The following DGKE variants were observed in gnomAD, a reference collection of about 807,000 sequenced individuals.
DGKE encodes DAG kinase epsilon.
Under a neutral mutation model 70.0 loss-of-function variants are expected in DGKE, and 53 were observed. The ratio of observed to expected loss-of-function variants is 0.76; its 90% CI spans 0.61 to 0.95. The LOEUF is 0.95. Among genes scored for constraint, DGKE ranks in the 40% least tolerant of loss-of-function variants. The pLI is 0.00. For missense variants in DGKE, 655 were observed against 706.9 expected (o/e 0.93, Z 0.83); for synonymous variants, 291 against 257.0 (o/e 1.13, Z -1.27).
intron 7 of DGKE, 34 bp from the exon 8 acceptor site, chr17:56,856,478 A>G (rs761996462): frequency 2.5e-6 from 4 of 1,593,852 alleles, no homozygotes; most frequent in East Asian, 4.5e-5. Flanking sequence ...AGGTGGAACC[A>G]TAGTCTGTTG....
In DGKE at chr17:56,863,021, A is replaced by G; in HGVS notation, c.*230A>G. 1 of 372,278 alleles carries G rather than the reference A, an allele frequency of 2.7e-6. No homozygotes were observed. The allele number at this position is 372,278 out of a possible 1,614,324, so 23.1% of individuals were successfully genotyped here. A position where few individuals can be genotyped will look rare whatever the true frequency, so the allele number is the denominator to read the frequency against. Reference sequence around the variant, plus strand: ...TTCAAATGAATAGTATTAACTTACAAAAAGTCACAAAAACTTACATGAGAG... The same window carrying G: ...TTCAAATGAATAGTATTAACTTACAGAAAGTCACAAAAACTTACATGAGAG... On this transcript the variant is annotated 3_prime_UTR_variant, in exon 12 of 12. Transcript: ENST00000284061.
chr17:56,844,204 T>C, intron 3 of DGKE, 26 bp downstream of exon 3: 2 of 1,409,570 alleles, frequency 1.4e-6, no homozygotes, highest in African/African-American at 1.5e-5. Context: ...TTCTCTAATA[T>C]GATTGATTTT....
chr17:56,855,785 C>G (rs1396089080), intron 7 of DGKE, among the ~76,000 whole-genome samples: 2 of 152,036 alleles, frequency 1.3e-5, no homozygotes, highest in Non-Finnish European at 2.9e-5. Flanking sequence ...GCAGGCGAAT[C>G]ACGAGGTCAG....
intron 7 of DGKE, among the ~76,000 whole-genome samples, chr17:56,855,661 C>G (rs1415623325): frequency 6.6e-6 from 1 of 152,086 alleles, no homozygotes; most frequent in Non-Finnish European, 1.5e-5. Flanking sequence ...CCAGCAGTGT[C>G]CAGCAACCTG....
chr17:56,862,147 G>T lies in DGKE; in HGVS notation c.1420G>T (p.Asp474Tyr). The T allele has an allele frequency of 6.2e-7, 1 of 1,613,924 alleles. No homozygotes were observed. Among genetic ancestry groups the T allele is most frequent in the Non-Finnish European group, 8.5e-7 (1 of 1,179,932 alleles). ...DETYPLARHD[D>Y]GLLEVVGVYG... The stretch of plus-strand genomic sequence containing the variant: ...TTCTTTTTCCAATTTTAGGCATGAC[G>T]ATGGTCTGCTGGAAGTCGTTGGAGT... The change falls in exon 11 of 12, where the codon GAT becomes TAT. Residue 474 changes from aspartate to tyrosine, a missense_variant. Physicochemically the swap from Asp to Tyr is radical, Grantham distance 160. Transcript: ENST00000284061.
At position 56,848,119 on chromosome 17, in the gene DGKE, C is replaced by CAT. The variant is rs56356802; in HGVS notation, c.888+69_888+70dup. 0.27 allele frequency: 187,540 copies of CAT among 691,468 alleles called. 11,670 individuals carry two copies. Among genetic ancestry groups the CAT allele is most frequent in the Non-Finnish European group, 0.3 (155,439 of 520,348 alleles). The allele number at this position is 691,468 out of a possible 1,614,324, so 42.8% of individuals were successfully genotyped here. A position where few individuals can be genotyped will look rare whatever the true frequency, so the allele number is the denominator to read the frequency against. On this transcript the variant is annotated intron_variant, in intron 5 of 11. Coordinates refer to ENST00000284061, the MANE Select transcript of DGKE (RefSeq NM_003647.3). ...GGACTTCTAAGATAAATATACTATA[C>CAT]ATATATATATATATATGGGTTTTGT...
intron 7 of DGKE, among the ~76,000 whole-genome samples, chr17:56,851,255 C>T (rs932807071): frequency 1.3e-5 from 2 of 152,110 alleles, no homozygotes; most frequent in Non-Finnish European, 2.9e-5. Context: ...TAGATCACTT[C>T]CCCTTTCCCC....
chr17:56,851,029 G>A (rs1340917104), intron 7 of DGKE, among the ~76,000 whole-genome samples: 3 of 152,184 alleles, frequency 2.0e-5, no homozygotes, highest in African/African-American at 4.8e-5. Context: ...GCAAAGCATG[G>A]TTAGCAAGTA....
In DGKE at chr17:56,834,158, T is replaced by A. The variant is rs928475010; in HGVS notation, c.-121T>A. The A allele has an allele frequency of 5.3e-5, 8 of 152,244 alleles. No individual in the cohort carries two copies. The highest frequency in any genetic ancestry group is 1.7e-4 in the African/African-American group (7 of 41,422). The allele number at this position is 152,244 out of a possible 1,614,324, so 9.4% of individuals were successfully genotyped here. On this transcript the variant is annotated 5_prime_UTR_variant, in exon 1 of 12. Transcript: ENST00000284061. ...GCGTGCGGCTGGAGCCTTAAGCGTTTCCCCCGCCCGGCTTCATCCCTGCTG... is the reference window on the plus strand; with the variant it reads ...GCGTGCGGCTGGAGCCTTAAGCGTTACCCCCGCCCGGCTTCATCCCTGCTG...
rs774071906 is a variant in DGKE at position 56,849,132 on chromosome 17, A to G, written c.1047-49A>G. 3.2e-6 allele frequency: 5 copies of G among 1,539,562 alleles called. No individual in the cohort carries two copies. In the South Asian group the frequency reaches 4.7e-5, roughly 14 times the overall value. On this transcript the variant is annotated intron_variant, in intron 6 of 11. Transcript: ENST00000284061. The stretch of plus-strand genomic sequence containing the variant: ...CCTCATTTATCCAAACATCCAGAGT[A>G]TGGGGTTTATTGTAAAACGTGCTGT...
At chr17:56,841,464 GA>G (rs1481119603) in intron 2 of DGKE, among the ~76,000 whole-genome samples, 2 of 152,070 alleles carry the variant, frequency 1.3e-5, no homozygotes, top group East Asian at 3.8e-4. Flanking sequence ...AGTGAAAGAT[GA>G]ATATGGAACA....
At chr17:56,843,952 T>A in intron 2 of DGKE, 67 bp from the exon 3 acceptor site, 1 of 1,408,908 alleles carries the variant, frequency 7.1e-7, no homozygotes. Context: ...CAAAAATGAT[T>A]GTTTTGTGGG....
intron 8 of DGKE, among the ~76,000 whole-genome samples, chr17:56,857,111 AAAC>A (rs1907998121): frequency 6.6e-6 from 1 of 152,214 alleles, no homozygotes; most frequent in South Asian, 2.1e-4. Context: ...AAACAAAACA[AAAC>A]AACTTTATCA....
intron 7 of DGKE, among the ~76,000 whole-genome samples, chr17:56,851,146 C>G (rs1457290401): frequency 6.6e-6 from 1 of 152,080 alleles, no homozygotes; most frequent in Non-Finnish European, 1.5e-5. Context: ...CCACATCACT[C>G]AGAGAGCAGT....
intron 2 of DGKE, among the ~76,000 whole-genome samples, chr17:56,842,388 C>T (rs1469418001): frequency 6.6e-6 from 1 of 152,178 alleles, no homozygotes; most frequent in East Asian, 1.9e-4. Context: ...TCCTACTTTT[C>T]TTCCCAGAGG....
chr17:56,844,193 T>C lies in DGKE; in HGVS notation c.624+15T>C. On this transcript the variant is annotated intron_variant, in intron 3 of 11. Transcript: ENST00000284061. Reference sequence around the variant, plus strand: ...ATTATGAAGTGGTAATTAGAGTTTATTTCTCTAATATGATTGATTTTTAAA... The same window carrying C: ...ATTATGAAGTGGTAATTAGAGTTTACTTCTCTAATATGATTGATTTTTAAA... 1.4e-6 allele frequency: 2 copies of C among 1,447,598 alleles called. No homozygotes were observed. Among genetic ancestry groups the C allele is most frequent in the Non-Finnish European group, 1.8e-6 (2 of 1,085,872 alleles). 89.7% of individuals were successfully genotyped at this position (1,447,598 alleles called of 1,614,324 possible). A position where few individuals can be genotyped will look rare whatever the true frequency, so the allele number is the denominator to read the frequency against.
intron 9 of DGKE, among the ~76,000 whole-genome samples, chr17:56,859,137 A>G (rs1012683517): frequency 6.7e-6 from 1 of 149,814 alleles, no homozygotes; most frequent in East Asian, 2.1e-4. Context: ...TCTCTCTTAC[A>G]TACCAAAATA....
rs1038851557 is a variant in DGKE at position 56,838,746 on chromosome 17, T to C, written c.464+3487T>C. On this transcript the variant is annotated intron_variant, in intron 2 of 11. Transcript: ENST00000284061. ...TAAATTCATGAGGCATTCCATATTT[T>C]CATATGAAGGAACTTTCTAGAGTAA... is the stretch of plus-strand genomic sequence containing the variant. 3 of 152,224 alleles carry C rather than the reference T, an allele frequency of 2.0e-5. No homozygotes were observed. The East Asian group carries it at 5.8e-4, about 29-fold the overall frequency. The allele number at this position is 152,224 out of a possible 1,614,324, so 9.4% of individuals were successfully genotyped here.
At chr17:56,856,113 A>G (rs1009556501) in intron 7 of DGKE, among the ~76,000 whole-genome samples, 1 of 152,040 alleles carries the variant, frequency 6.6e-6, no homozygotes, top group African/African-American at 2.4e-5. Flanking sequence ...TCCAGGCCGC[A>G]CTGGGAAGTA....
Sources: gnomAD v4.1 joint callset for allele counts (sites outside exome capture counted in the v4.1 genomes callset) on GRCh38, gnomAD v4.1.1 for gene constraint, MANE v1.5 for transcripts, NCBI Gene and HGNC (gene_info 2026-07-23, HGNC 2026-07-21) for gene names.